Variants in ACOX3 observed in about 807,000 individuals in gnomAD.
ACOX3 encodes the protein peroxisomal acyl-coenzyme A oxidase 3.
A neutral mutation model predicts 81.5 loss-of-function variants in ACOX3; 73 were observed. The ratio of observed to expected loss-of-function variants is 0.90; its 90% CI spans 0.74 to 1.09. The LOEUF is 1.09. Ranked by LOEUF, ACOX3 falls within the 50% of genes least tolerant of loss-of-function variation. ACOX3 has a pLI of 0.00. For synonymous variants in ACOX3, 387 were observed against 375.1 expected (o/e 1.03, Z -0.37); for missense variants, 947 against 928.0 (o/e 1.02, Z -0.27).
chr4:8,386,559 C>T lies in ACOX3; in HGVS notation c.1537+2614G>A, dbSNP rs541532152. On this transcript the variant is annotated intron_variant, in intron 13 of 17. Coordinates refer to ENST00000356406, the MANE Select transcript of ACOX3 (RefSeq NM_003501.3). The surrounding 1 kb of genome is among the most constrained non-coding windows in gnomAD (Gnocchi z 5.2). ...CCAGCCTGGGCGACAGAGCGAGACT[C>T]CGTCTCAAAAAAAAAAAAAAAAAGA... Among the ~76,000 whole-genome samples, 83 of 149,090 alleles carry T rather than the reference C, an allele frequency of 5.6e-4. No individual in the cohort carries two copies. The highest frequency in any genetic ancestry group is 1.9e-3 in the Admixed American group (28 of 15,052).
intron 1 of ACOX3, chr4:8,438,747 T>C (rs182383804): frequency 2.6e-5 from 4 of 152,362 alleles, no homozygotes; most frequent in Admixed American, 2.6e-4. Context: ...ACTGTAATCT[T>C]TTCCACTCCC....
In ACOX3 at chr4:8,414,444, G is replaced by A; in HGVS notation, c.454-63C>T. The A allele has an allele frequency of 7.2e-7, 1 of 1,396,844 alleles. No individual in the cohort carries two copies. Among genetic ancestry groups the A allele is most frequent in the Non-Finnish European group, 1.0e-6 (1 of 984,146 alleles). 86.5% of individuals were successfully genotyped at this position (1,396,844 alleles called of 1,614,324 possible). A position where few individuals can be genotyped will look rare whatever the true frequency, so the allele number is the denominator to read the frequency against. ...AGTTCTTTGTGCACATTCCCAGAAG[G>A]ACCTCACTGCCATCTTTCCTTTAAA... On this transcript the variant is annotated intron_variant, in intron 4 of 17. Coordinates refer to ENST00000356406, the MANE Select transcript of ACOX3 (RefSeq NM_003501.3). The surrounding 1 kb of genome is among the most constrained non-coding windows in gnomAD (Gnocchi z 6.1).
chr4:8,417,810 CT>C (rs1479820182), intron 1 of ACOX3, among the ~76,000 whole-genome samples: 1 of 152,210 alleles, frequency 6.6e-6, no homozygotes, highest in Non-Finnish European at 1.5e-5. Flanking sequence ...TTCAGCTAGA[CT>C]GGCCAAATAA....
Position 8,416,513 on chromosome 4 carries a change from G to C in ACOX3, c.9C>G (p.Ser3=), listed in dbSNP as rs1465742040. 6.2e-7 allele frequency: 1 copy of C among 1,606,648 alleles called. No individual in the cohort carries two copies. Among genetic ancestry groups the C allele is most frequent in the East Asian group, 2.2e-5 (1 of 44,724 alleles). The part of the protein sequence containing the change: MA[S]TVEGGDTALL... ...GAGCTGTGTCGCCTCCTTCCACAGT[G>C]GATGCCATCGCGTGATAAGAGCCTG... Residue 3 remains serine, a synonymous_variant, in exon 2 of 18, where the codon TCC becomes TCG. Transcript: ENST00000356406. The surrounding 1 kb of genome is among the most constrained non-coding windows in gnomAD (Gnocchi z 4.2).
At chr4:8,367,566 A>C (rs1164618476) in intron 17 of ACOX3, among the ~76,000 whole-genome samples, 4 of 152,170 alleles carry the variant, frequency 2.6e-5, no homozygotes, top group Admixed American at 6.5e-5. Flanking sequence ...AAATGGTTTA[A>C]ATTTATATGA....
chr4:8,413,958 G>A (rs987237734), intron 5 of ACOX3, among the ~76,000 whole-genome samples: 1 of 152,210 alleles, frequency 6.6e-6, no homozygotes, highest in East Asian at 1.9e-4. Flanking sequence ...CCATGAGAAC[G>A]GTTTATGAAT....
rs7654733 is a variant in ACOX3 at position 8,425,676 on chromosome 4, T to G, written c.-14-9141A>C. On this transcript the variant is annotated intron_variant, in intron 1 of 17. Coordinates refer to ENST00000356406, the MANE Select transcript of ACOX3 (RefSeq NM_003501.3). The stretch of plus-strand genomic sequence containing the variant: ...TAGATTTTACCCACATGCCCAAATC[T>G]CAGGGATTTCAGTATCTACTAGTCT... Among the ~76,000 whole-genome samples the G allele has an allele frequency of 2.8e-3, 414 of 149,890 alleles. 6 individuals are homozygous for G. The highest frequency in any genetic ancestry group is 9.8e-3 in the African/African-American group (396 of 40,520).
intron 1 of ACOX3, chr4:8,439,275 G>C (rs1245052167): frequency 1.3e-5 from 2 of 152,078 alleles, no homozygotes; most frequent in African/African-American, 2.4e-5. Flanking sequence ...ACCCAGACCC[G>C]TCCAGCCCAG....
Position 8,389,097 on chromosome 4 carries a change from C to A in ACOX3, c.1537+76G>T, listed in dbSNP as rs1172627548. The A allele has an allele frequency of 1.6e-6, 2 of 1,285,692 alleles. No individual in the cohort carries two copies. Among genetic ancestry groups the A allele is most frequent in the Admixed American group, 1.9e-5 (1 of 53,058 alleles). The allele number at this position is 1,285,692 out of a possible 1,614,324, so 79.6% of individuals were successfully genotyped here. A position where few individuals can be genotyped will look rare whatever the true frequency, so the allele number is the denominator to read the frequency against. On this transcript the variant is annotated intron_variant, in intron 13 of 17. Coordinates refer to ENST00000356406, the MANE Select transcript of ACOX3 (RefSeq NM_003501.3). The surrounding 1 kb of genome is among the most constrained non-coding windows in gnomAD (Gnocchi z 5.3). ...GCTGGAACTGCCAAGGGTCCCCTCA[C>A]CGAGGCACGGTGCGTTTCCTGGTGG...
rs185462945 is a variant in ACOX3 at position 8,406,151 on chromosome 4, C to T, written c.688-108G>A. 81 of 1,050,706 alleles carry T rather than the reference C, an allele frequency of 7.7e-5. No individual in the cohort carries two copies. Among genetic ancestry groups the T allele is most frequent in the East Asian group, 7.4e-4 (31 of 42,042 alleles). 65.1% of individuals were successfully genotyped at this position (1,050,706 alleles called of 1,614,324 possible). ...GGTGGGCCATGGGCTCAACGCTGGG[C>T]GGCTGTGGGTTAAACCATCCTCCAG... On this transcript the variant is annotated intron_variant, in intron 6 of 17. Transcript: ENST00000356406. The surrounding 1 kb of genome is among the most constrained non-coding windows in gnomAD (Gnocchi z 5.6).
At chr4:8,403,460 A>G (rs1560189644) in intron 7 of ACOX3, among the ~76,000 whole-genome samples, 1 of 152,196 alleles carries the variant, frequency 6.6e-6, no homozygotes, top group Non-Finnish European at 1.5e-5. Flanking sequence ...TCCCAGCCCA[A>G]CCTAGGCCTT....
At chr4:8,361,151 C>A in the ACOX3 span, among the ~76,000 whole-genome samples, 1 of 151,926 alleles carries the variant, frequency 6.6e-6, no homozygotes, top group African/African-American at 2.4e-5. Context: ...AGGCCGGGCG[C>A]GGTGGCTCAC....
intron 1 of ACOX3, among the ~76,000 whole-genome samples, chr4:8,425,099 C>T (rs1723329363): frequency 6.6e-6 from 1 of 152,170 alleles, no homozygotes; most frequent in Non-Finnish European, 1.5e-5. Flanking sequence ...GAGGGAACAC[C>T]TATCAAATCT....
chr4:8,426,241 G>A lies in ACOX3; in HGVS notation c.-14-9706C>T, dbSNP rs1206920239. Among the ~76,000 whole-genome samples, 3 of 152,084 alleles carry A rather than the reference G, an allele frequency of 2.0e-5. No individual in the cohort carries two copies. In the East Asian group the frequency reaches 5.8e-4, roughly 29 times the overall value. ...GAAAGGAATTCCACCCTGGTAACAT[G>A]GTATTAGTCAAGTCCCTTCCCTCTA... On this transcript the variant is annotated intron_variant, in intron 1 of 17. Transcript: ENST00000356406.
Position 8,381,369 on chromosome 4 carries a change from C to T in ACOX3, c.1653+123G>A. 1 of 799,534 alleles carries T rather than the reference C, an allele frequency of 1.3e-6. No homozygotes were observed. Among genetic ancestry groups the T allele is most frequent in the Non-Finnish European group, 2.1e-6 (1 of 486,810 alleles). The allele number at this position is 799,534 out of a possible 1,614,324, so 49.5% of individuals were successfully genotyped here. On this transcript the variant is annotated intron_variant, in intron 14 of 17. Transcript: ENST00000356406. The surrounding 1 kb of genome is among the most constrained non-coding windows in gnomAD (Gnocchi z 4.3). ...CAGCAAAGTCATCAAGTCATCTGCC[C>T]AAGGTCACGGGAGCTCGGGGTCTGG...
chr4:8,420,978 G>C (rs1235108387), intron 1 of ACOX3, among the ~76,000 whole-genome samples: 1 of 152,140 alleles, frequency 6.6e-6, no homozygotes, highest in Admixed American at 6.5e-5. Flanking sequence ...TTCTAATAGA[G>C]CTATAACACT....
At chr4:8,420,822 G>A (rs1339540661) in intron 1 of ACOX3, among the ~76,000 whole-genome samples, 1 of 152,208 alleles carries the variant, frequency 6.6e-6, no homozygotes, top group Non-Finnish European at 1.5e-5. Context: ...TGTCCACTGA[G>A]CTTCTGATCC....
At chr4:8,415,737 T>C (rs899355768) in intron 3 of ACOX3, 29 bp downstream of exon 3, 3 of 1,603,282 alleles carry the variant, frequency 1.9e-6, no homozygotes, top group Non-Finnish European at 2.6e-6. Flanking sequence ...ATGAAAGCCG[T>C]TTCCCTCTCC....
At position 8,389,857 on chromosome 4, in the gene ACOX3, C is replaced by G; in HGVS notation, c.1301-123G>C. 2 of 1,336,980 alleles carry G rather than the reference C, an allele frequency of 1.5e-6. No individual in the cohort carries two copies. Among genetic ancestry groups the G allele is most frequent in the Non-Finnish European group, 2.1e-6 (2 of 973,348 alleles). The allele number at this position is 1,336,980 out of a possible 1,614,324, so 82.8% of individuals were successfully genotyped here. A position where few individuals can be genotyped will look rare whatever the true frequency, so the allele number is the denominator to read the frequency against. On this transcript the variant is annotated intron_variant, in intron 11 of 17. Transcript: ENST00000356406. This position sits in a 1 kb window ranked among gnomAD's most constrained non-coding sequence, Gnocchi z 5.3. Reference sequence around the variant, plus strand: ...CGGTGGCTCACACCTGTAATGGCAGCACTTTGGGGGGCCGAGGCGGGTGGA... The same window carrying G: ...CGGTGGCTCACACCTGTAATGGCAGGACTTTGGGGGGCCGAGGCGGGTGGA...
Sources: gnomAD v4.1 joint callset for allele counts (sites outside exome capture counted in the v4.1 genomes callset) on GRCh38, gnomAD v4.1.1 for gene constraint, Gnocchi (gnomAD v3.1) non-coding constraint, MANE v1.5 for transcripts, NCBI Gene and HGNC (gene_info 2026-07-23, HGNC 2026-07-21) for gene names.